The following SGIP1 variants were observed in gnomAD, a reference collection of about 807,000 sequenced individuals.
SGIP1 encodes SH3-containing GRB2-like protein 3-interacting protein 1.
A neutral mutation model predicts 107.5 loss-of-function variants in SGIP1; 38 were observed. The ratio of observed to expected loss-of-function variants is 0.35; its 90% CI spans 0.27 to 0.46. The LOEUF (loss-of-function observed/expected upper bound fraction) is 0.46, where lower values mean the gene tolerates loss of function less well. Ranked by LOEUF, SGIP1 falls within the 20% of genes least tolerant of loss-of-function variation. The pLI, the probability that SGIP1 is intolerant of heterozygous loss-of-function variation, is 1.00. For missense variants in SGIP1, 929 were observed against 1,019.5 expected, an observed-to-expected ratio of 0.91 and a Z score of 1.21; for synonymous variants, 365 against 366.1, an observed-to-expected ratio of 1.00 and a Z score of 0.03.
At chr1:66,578,832 C>T (rs377294914) in intron 1 of SGIP1, among the ~76,000 whole-genome samples, 1 of 152,118 alleles carries the variant, frequency 6.6e-6, no homozygotes, top group African/African-American at 2.4e-5. Context: ...CCAGCACACC[C>T]GACTAATTTT....
At chr1:66,676,933 C>G in intron 12 of SGIP1, 71 bp from the exon 13 acceptor site, 3 of 1,281,800 alleles carry the variant, frequency 2.3e-6, no homozygotes, top group Non-Finnish European at 3.3e-6. Context: ...AACTTGAAAT[C>G]GAAATTTTAA....
At chr1:66,591,472 C>T (rs1157641309) in intron 1 of SGIP1, among the ~76,000 whole-genome samples, 1 of 152,158 alleles carries the variant, frequency 6.6e-6, no homozygotes, top group African/African-American at 2.4e-5. Context: ...TTTAAGTTCA[C>T]AGCAAAATTG....
At chr1:66,712,458 T>G (rs1332723417) in intron 18 of SGIP1, among the ~76,000 whole-genome samples, 1 of 152,166 alleles carries the variant, frequency 6.6e-6, no homozygotes, top group Non-Finnish European at 1.5e-5. Context: ...TTGGCGGAAG[T>G]GCATAGGAGG....
At chr1:66,650,312 C>T (rs1440757470) in intron 7 of SGIP1, among the ~76,000 whole-genome samples, 1 of 152,132 alleles carries the variant, frequency 6.6e-6, no homozygotes, top group Non-Finnish European at 1.5e-5. Context: ...CTAACATTCA[C>T]AATGGCACAC....
intron 6 of SGIP1, 45 bp from the exon 7 acceptor site, chr1:66,643,499 C>G (rs957764736): frequency 6.5e-7 from 1 of 1,540,396 alleles, no homozygotes; most frequent in East Asian, 2.4e-5. Context: ...GGAGTCGTTG[C>G]CTCCCAGTAG....
intron 1 of SGIP1, among the ~76,000 whole-genome samples, chr1:66,611,319 G>T (rs564374920): frequency 2.6e-5 from 4 of 152,308 alleles, no homozygotes; most frequent in African/African-American, 9.6e-5. Flanking sequence ...GTAGCAAATG[G>T]CAGAACCAGT....
chr1:66,568,702 G>C (rs1396101710), intron 1 of SGIP1, among the ~76,000 whole-genome samples: 1 of 151,894 alleles, frequency 6.6e-6, no homozygotes, highest in Non-Finnish European at 1.5e-5. Context: ...GGGATGCAAG[G>C]CTGGTTCAAC....
At chr1:66,704,555 G>C (rs910571175) in intron 18 of SGIP1, 1 of 152,170 alleles carries the variant, frequency 6.6e-6, no homozygotes, top group Admixed American at 6.5e-5. Flanking sequence ...CCTGAGAAAA[G>C]AATGGAGAAG....
intron 1 of SGIP1, among the ~76,000 whole-genome samples, chr1:66,546,364 GA>G (rs2056390814): frequency 6.6e-6 from 1 of 152,122 alleles, no homozygotes; most frequent in South Asian, 2.1e-4. Flanking sequence ...TTTCATTGCA[GA>G]AAACTTGCAA....
intron 7 of SGIP1, among the ~76,000 whole-genome samples, chr1:66,658,497 T>A (rs1571353337): frequency 6.6e-6 from 1 of 152,038 alleles, no homozygotes; most frequent in East Asian, 1.9e-4. Context: ...CATATATAAT[T>A]CAACCTTATT....
intron 18 of SGIP1, among the ~76,000 whole-genome samples, chr1:66,714,613 T>A (rs886211796): frequency 6.6e-6 from 1 of 152,142 alleles, no homozygotes; most frequent in African/African-American, 2.4e-5. Flanking sequence ...AGAAAGTTGT[T>A]CTTACTGTAA....
At chr1:66,559,383 C>A (rs2058621266) in intron 1 of SGIP1, among the ~76,000 whole-genome samples, 1 of 152,052 alleles carries the variant, frequency 6.6e-6, no homozygotes, top group South Asian at 2.1e-4. Flanking sequence ...CTGGCTTAAC[C>A]TATCTTATAA....
chr1:66,707,743 G>A (rs978537681), intron 18 of SGIP1, among the ~76,000 whole-genome samples: 1 of 152,228 alleles, frequency 6.6e-6, no homozygotes, highest in East Asian at 1.9e-4. Context: ...TTGTCCAGGG[G>A]CATTCACATC....
At chr1:66,711,440 G>A (rs2092911181) in intron 18 of SGIP1, among the ~76,000 whole-genome samples, 1 of 152,104 alleles carries the variant, frequency 6.6e-6, no homozygotes, top group Non-Finnish European at 1.5e-5. Flanking sequence ...CTTTCCCTTT[G>A]TCACTGCATT....
At chr1:66,637,321 G>A (rs142863785) in intron 4 of SGIP1, among the ~76,000 whole-genome samples, 272 of 152,082 alleles carry the variant, frequency 1.8e-3, no homozygotes, top group African/African-American at 6.2e-3. Context: ...TTGGGTTTGA[G>A]CCAGAAGAAT....
chr1:66,595,096 A>G (rs534212237), intron 1 of SGIP1, among the ~76,000 whole-genome samples: 3 of 152,292 alleles, frequency 2.0e-5, no homozygotes, highest in African/African-American at 4.8e-5. Context: ...GGAGCTCCTC[A>G]CCTGAACCAT....
In SGIP1 at chr1:66,738,646, A is replaced by C. The variant is rs143862633; in HGVS notation, c.2032-689A>C. Among the ~76,000 whole-genome samples, 44 of 152,310 alleles carry C rather than the reference A, an allele frequency of 2.9e-4. 1 individual carries two copies. Among genetic ancestry groups the C allele is most frequent in the Middle Eastern group, 3.4e-3 (1 of 294 alleles). The stretch of plus-strand genomic sequence containing the variant: ...CTAGCACTGTAGCACTTCCAGCTAA[A>C]GGAATCCCAAAGGAAGTAAAAACTA... On this transcript the variant is annotated intron_variant, in intron 21 of 24. Transcript: ENST00000371037.
At chr1:66,622,544 T>TA (rs2071417183) in intron 1 of SGIP1, among the ~76,000 whole-genome samples, 1 of 152,232 alleles carries the variant, frequency 6.6e-6, no homozygotes, top group South Asian at 2.1e-4. Flanking sequence ...TTCAACCTTT[T>TA]AAAAATCCAT....
intron 15 of SGIP1, chr1:66,684,183 C>T (rs1259563347): frequency 3.9e-6 from 6 of 1,550,594 alleles, no homozygotes; most frequent in Non-Finnish European, 5.2e-6. Flanking sequence ...TGGATTCATA[C>T]TCAGGTCTGT....
Sources: allele counts gnomAD v4.1 joint callset (sites outside exome capture counted in the v4.1 genomes callset), GRCh38; gene constraint gnomAD v4.1.1; transcripts MANE v1.5; gene names NCBI Gene and HGNC (gene_info 2026-07-23, HGNC 2026-07-21).